KDM4C: variants seen among roughly 807,000 people sequenced by gnomAD.
The protein encoded by KDM4C is lysine demethylase 4C.
Under a neutral mutation model 129.3 loss-of-function variants are expected in KDM4C, and 81 were observed. The observed-to-expected ratio is 0.63, with a 90% CI of 0.52 to 0.75. KDM4C has a LOEUF of 0.75. KDM4C is among the 30% of genes least tolerant of loss of function. The pLI, the probability that KDM4C is intolerant of heterozygous loss-of-function variation, is 0.00. For missense variants in KDM4C, 1,457 were observed against 1,304.0 expected, an observed-to-expected ratio of 1.12 and a Z score of -1.81; for synonymous variants, 573 against 456.1, an observed-to-expected ratio of 1.26 and a Z score of -3.26.
intron 5 of KDM4C, among the ~76,000 whole-genome samples, chr9:6,867,123 C>T (rs1391035543): frequency 1.3e-5 from 2 of 151,146 alleles, no homozygotes; most frequent in African/African-American, 2.4e-5. Context: ...TCAAGCAATT[C>T]CCCTGCCTCA....
At chr9:7,020,236 C>G (rs1032848682) in intron 15 of KDM4C, among the ~76,000 whole-genome samples, 1 of 152,094 alleles carries the variant, frequency 6.6e-6, no homozygotes, top group Non-Finnish European at 1.5e-5. Flanking sequence ...GAATTATGGC[C>G]CTATGCCCAA....
At chr9:7,112,718 C>T (rs1344147920) in intron 18 of KDM4C, among the ~76,000 whole-genome samples, 3 of 152,194 alleles carry the variant, frequency 2.0e-5, no homozygotes, top group Non-Finnish European at 4.4e-5. Context: ...TCCCTCACTT[C>T]GTCTGGAGCT....
At chr9:6,896,530 A>C (rs908064343) in intron 8 of KDM4C, among the ~76,000 whole-genome samples, 2 of 151,786 alleles carry the variant, frequency 1.3e-5, no homozygotes, top group African/African-American at 2.4e-5. Context: ...ATTTTTAATT[A>C]GGTGACTCAG....
intron 15 of KDM4C, among the ~76,000 whole-genome samples, chr9:7,028,220 C>A (rs780736696): frequency 1.3e-5 from 2 of 151,962 alleles, no homozygotes; most frequent in Non-Finnish European, 2.9e-5. Flanking sequence ...TAGCAAGTCT[C>A]GGAGTCTCAC....
chr9:7,136,207 C>G (rs898228485), intron 19 of KDM4C, among the ~76,000 whole-genome samples: 8 of 152,192 alleles, frequency 5.3e-5, no homozygotes, highest in African/African-American at 1.9e-4. Flanking sequence ...ATGAATATAA[C>G]ACATTTTGTT....
chr9:6,844,126 C>A (rs1291093308), intron 4 of KDM4C, among the ~76,000 whole-genome samples: 1 of 152,162 alleles, frequency 6.6e-6, no homozygotes, highest in Non-Finnish European at 1.5e-5. Context: ...CATAAACCAT[C>A]ATTTTTACGT....
intron 4 of KDM4C, among the ~76,000 whole-genome samples, chr9:6,832,337 C>G (rs1194055333): frequency 2.1e-5 from 3 of 142,302 alleles, no homozygotes; most frequent in Non-Finnish European, 4.6e-5. Flanking sequence ...GAGACTCCGT[C>G]TCAAAAAAAA....
intron 9 of KDM4C, among the ~76,000 whole-genome samples, chr9:6,983,079 C>T (rs1177271141): frequency 6.6e-6 from 1 of 152,132 alleles, no homozygotes; most frequent in Non-Finnish European, 1.5e-5. Context: ...CCCACATCAG[C>T]CAATGCATGG....
chr9:6,969,147 G>T (rs192221514), intron 8 of KDM4C, among the ~76,000 whole-genome samples: 1 of 152,224 alleles, frequency 6.6e-6, no homozygotes, highest in African/African-American at 2.4e-5. Context: ...TATTGGCCAG[G>T]CTGGTCTCGA....
chr9:6,931,950 G>A (rs1823821738), intron 8 of KDM4C, among the ~76,000 whole-genome samples: 1 of 152,186 alleles, frequency 6.6e-6, no homozygotes, highest in Non-Finnish European at 1.5e-5. Context: ...CAATAATATG[G>A]TCAGTGCCCT....
chr9:6,830,353 A>G (rs141016566), intron 4 of KDM4C, among the ~76,000 whole-genome samples: 14 of 152,242 alleles, frequency 9.2e-5, no homozygotes, highest in African/African-American at 3.4e-4. Context: ...TCTGGCTGAG[A>G]TGAGGGAGGT....
rs576424065 is a variant in KDM4C at position 6,865,273 on chromosome 9, T to G, written c.630-14739T>G. Among the ~76,000 whole-genome samples the G allele has an allele frequency of 1.1e-3, 165 of 152,184 alleles. 1 individual carries two copies. The highest frequency in any genetic ancestry group is 1.8e-3 in the Non-Finnish European group (120 of 67,996). ...TCCGACCGCCTTGGCCTCCCAAAGT[T>G]TTGGGATTACAAGCGTGAGCCAAAG... On this transcript the variant is annotated intron_variant, in intron 5 of 21. Transcript: ENST00000381309.
At chr9:6,806,102 A>C (rs113895081) in intron 3 of KDM4C, among the ~76,000 whole-genome samples, 1 of 152,144 alleles carries the variant, frequency 6.6e-6, no homozygotes, top group African/African-American at 2.4e-5. Context: ...TTAAGCCTTA[A>C]ATGATTTATA....
At chr9:7,160,534 G>T (rs186080427) in intron 19 of KDM4C, among the ~76,000 whole-genome samples, 2 of 152,090 alleles carry the variant, frequency 1.3e-5, no homozygotes, top group Non-Finnish European at 2.9e-5. Context: ...CTTTTTTGTC[G>T]ATGTTGATGC....
intron 18 of KDM4C, among the ~76,000 whole-genome samples, chr9:7,111,818 C>T (rs941832115): frequency 1.3e-5 from 2 of 152,048 alleles, no homozygotes; most frequent in African/African-American, 4.8e-5. Flanking sequence ...TTATATATCC[C>T]TGAATTAAAA....
In KDM4C at chr9:7,042,457, T is replaced by G. The variant is rs532104445; in HGVS notation, c.2260-4405T>G. 3.9e-5 allele frequency among the ~76,000 whole-genome samples: 6 copies of G among 152,244 alleles called. No homozygotes were observed. The South Asian group carries it at 1.2e-3, about 32-fold the overall frequency. On this transcript the variant is annotated intron_variant, in intron 15 of 21. Transcript: ENST00000381309. ...TAATGATGTTATACCAATGAGATGT[T>G]TTATTAGCTAGATTAATGAAACAAA...
chr9:6,756,941 C>A (rs1021685945), upstream of KDM4C, among the ~76,000 whole-genome samples: 6 of 152,118 alleles, frequency 3.9e-5, no homozygotes, highest in Admixed American at 6.6e-5. Flanking sequence ...CATATTAGCC[C>A]AACTTTGCTC....
At chr9:6,954,956 T>C (rs547252590) in intron 8 of KDM4C, among the ~76,000 whole-genome samples, 38 of 152,364 alleles carry the variant, frequency 2.5e-4, no homozygotes, top group African/African-American at 8.4e-4. Flanking sequence ...TCTCTAGTAC[T>C]GCAGGAGGCA....
At chr9:6,852,909 C>A (rs953093951) in intron 5 of KDM4C, among the ~76,000 whole-genome samples, 2 of 152,148 alleles carry the variant, frequency 1.3e-5, no homozygotes, top group Non-Finnish European at 2.9e-5. Context: ...GTTTTGGCAT[C>A]TTACAACTGG....
Sources: allele counts gnomAD v4.1 joint callset (sites outside exome capture counted in the v4.1 genomes callset), GRCh38; gene constraint gnomAD v4.1.1; transcripts MANE v1.5; gene names NCBI Gene and HGNC (gene_info 2026-07-23, HGNC 2026-07-21).